RPA3: variants seen among roughly 807,000 people sequenced by gnomAD.
RPA3 encodes the protein replication protein A3.
Under a neutral mutation model 13.7 loss-of-function variants are expected in RPA3, and 24 were observed. The ratio of observed to expected loss-of-function variants is 1.75; its 90% CI spans 1.27 to 2.46. The LOEUF is 2.46. Ranked by LOEUF, RPA3 falls within the 30% of genes most tolerant of loss-of-function variation. The probability of loss-of-function intolerance (pLI) is 0.00; values close to 1 mark genes in which losing one functional copy is unlikely to be tolerated. For missense variants in RPA3, 183 were observed against 151.0 expected, an observed-to-expected ratio of 1.21 and a Z score of -1.11; for synonymous variants, 59 against 51.2, an observed-to-expected ratio of 1.15 and a Z score of -0.65.
intron 4 of RPA3, among the ~76,000 whole-genome samples, chr7:7,677,884 G>GTTTT (rs1779788320): frequency 6.6e-6 from 1 of 150,982 alleles, no homozygotes; most frequent in Non-Finnish European, 1.5e-5. Flanking sequence ...CGTTTTAGCC[G>GTTTT]GGATGGTCTC....
rs185853551 is a variant in RPA3, at chr7:7,700,630, G to A, written c.-1027-13302C>T. Among the ~76,000 whole-genome samples the A allele has an allele frequency of 2.9e-3, 439 of 152,312 alleles. 2 individuals are homozygous for A. The highest frequency in any genetic ancestry group is 9.7e-3 in the African/African-American group (404 of 41,560). ...GGGCCGGGCGCGGTGGCTCACGCCT[G>A]TAATCCTAGTACTTTGGGAGGCCTA... On this transcript the variant is annotated intron_variant, in intron 2 of 7. Transcript: ENST00000223129.
intron 4 of RPA3, among the ~76,000 whole-genome samples, chr7:7,677,591 C>CT (rs1310036428): frequency 1.4e-5 from 2 of 147,944 alleles, no homozygotes; most frequent in African/African-American, 5.1e-5. Context: ...GGATTTCATT[C>CT]TTTTTTTATG....
intron 4 of RPA3, among the ~76,000 whole-genome samples, chr7:7,652,570 C>G (rs927442635): frequency 6.6e-6 from 1 of 152,092 alleles, no homozygotes. Context: ...TTGCTTTGTG[C>G]CCATTGACAT....
rs1053991002 is a variant in RPA3 at position 7,673,357 on chromosome 7, G to A, written c.-758+12473C>T. ...AGCAGCAGCAGCAGCAGCAGCAGCA[G>A]CAGCAGCAGCAGCAATGTTTCACTT... On this transcript the variant is annotated intron_variant, in intron 4 of 7. Transcript: ENST00000223129. The A allele has an allele frequency of 7.1e-6, 9 of 1,272,740 alleles. 3 individuals are homozygous for A. Among genetic ancestry groups the A allele is most frequent in the Non-Finnish European group, 9.9e-6 (9 of 907,130 alleles). The allele number at this position is 1,272,740 out of a possible 1,614,324, so 78.8% of individuals were successfully genotyped here.
chr7:7,703,989 G>A (rs960521986), intron 2 of RPA3, among the ~76,000 whole-genome samples: 8 of 151,964 alleles, frequency 5.3e-5, no homozygotes, highest in African/African-American at 7.3e-5. Context: ...GGGAAGGAAG[G>A]AAAGAAAAGA....
At chr7:7,692,936 A>G (rs1028529567) in intron 2 of RPA3, among the ~76,000 whole-genome samples, 4 of 152,186 alleles carry the variant, frequency 2.6e-5, no homozygotes, top group Admixed American at 6.5e-5. Flanking sequence ...GGTATATTTC[A>G]TGTGAACCTT....
At position 7,699,894 on chromosome 7, in the gene RPA3, G is replaced by A. The variant is rs566755977; in HGVS notation, c.-1027-12566C>T. Reference sequence around the variant, plus strand: ...ATACTGTTTATATAAGTGGAAATACGTGTTTTGTTTATTCATAGATTATAG... The same window carrying A: ...ATACTGTTTATATAAGTGGAAATACATGTTTTGTTTATTCATAGATTATAG... On this transcript the variant is annotated intron_variant, in intron 2 of 7. Transcript: ENST00000223129. Among the ~76,000 whole-genome samples the A allele has an allele frequency of 3.7e-4, 56 of 152,284 alleles. No homozygotes were observed. In the South Asian group the frequency reaches 0.011, roughly 30 times the overall value.
intron 7 of RPA3, among the ~76,000 whole-genome samples, 154 bp downstream of exon 7, chr7:7,637,708 GTA>G (rs1325202982): frequency 6.6e-6 from 1 of 150,606 alleles, no homozygotes; most frequent in South Asian, 2.1e-4. Context: ...ATATAAAACT[GTA>G]TGTTATGTAA....
intron 4 of RPA3, among the ~76,000 whole-genome samples, chr7:7,652,567 G>GTGCC (rs1243975435): frequency 6.6e-6 from 1 of 152,188 alleles, no homozygotes; most frequent in Non-Finnish European, 1.5e-5. Context: ...ACCTTGCTTT[G>GTGCC]TGCCCATTGA....
intron 4 of RPA3, among the ~76,000 whole-genome samples, chr7:7,651,799 G>A: frequency 6.6e-6 from 1 of 152,194 alleles, no homozygotes; most frequent in East Asian, 1.9e-4. Context: ...TAAAAGGTCT[G>A]TGAGTGAGTT....
chr7:7,646,840 C>T (rs1412882879), intron 4 of RPA3, among the ~76,000 whole-genome samples: 1 of 152,112 alleles, frequency 6.6e-6, no homozygotes, highest in East Asian at 1.9e-4. Flanking sequence ...CACTCTTCTG[C>T]TCATGGAGCC....
chr7:7,638,684 G>T (rs1487545841), intron 6 of RPA3: 1 of 158,670 alleles, frequency 6.3e-6, no homozygotes, highest in Non-Finnish European at 1.4e-5. Context: ...CGCCATGATG[G>T]TGCCACTGCA....
At chr7:7,712,167 T>C (rs914122734) in intron 2 of RPA3, among the ~76,000 whole-genome samples, 5 of 152,176 alleles carry the variant, frequency 3.3e-5, no homozygotes, top group African/African-American at 1.2e-4. Flanking sequence ...TGTTCTCTGC[T>C]TTTCTATATA....
Position 7,715,346 on chromosome 7 carries a change from A to C in RPA3, c.-1079-120T>G, listed in dbSNP as rs151091705. On this transcript the variant is annotated intron_variant, in intron 1 of 7. Coordinates refer to ENST00000223129, the MANE Select transcript of RPA3 (RefSeq NM_002947.5). Reference sequence around the variant, plus strand: ...AGCAGAAGAGTTGACCATAGACCTTATAGCTAGCTGTTAGAATAGCTAATT... The same window carrying C: ...AGCAGAAGAGTTGACCATAGACCTTCTAGCTAGCTGTTAGAATAGCTAATT... The C allele has an allele frequency of 2.0e-5, 3 of 152,330 alleles. No individual in the cohort carries two copies. In the East Asian group the frequency reaches 5.8e-4, roughly 29 times the overall value. 9.4% of individuals were successfully genotyped at this position (152,330 alleles called of 1,614,324 possible).
At chr7:7,665,830 T>A (rs573552955) in intron 4 of RPA3, among the ~76,000 whole-genome samples, 1 of 152,292 alleles carries the variant, frequency 6.6e-6, no homozygotes, top group East Asian at 1.9e-4. Context: ...TCAGCTTTTT[T>A]TTTTTTTGAG....
At chr7:7,638,357 A>AAAAGTTTT (rs1198179510) in intron 6 of RPA3, 4 of 154,118 alleles carry the variant, frequency 2.6e-5, no homozygotes, top group Middle Eastern at 3.4e-3. Context: ...AAATACCAAA[A>AAAAGTTTT]AAAGTTTTAA....
intron 4 of RPA3, among the ~76,000 whole-genome samples, 175 bp from the exon 5 acceptor site, chr7:7,641,350 C>G (rs149348069): frequency 3.3e-5 from 5 of 152,272 alleles, no homozygotes; most frequent in Non-Finnish European, 7.4e-5. Flanking sequence ...GGGAGACAAG[C>G]TTAAATCGTT....
In RPA3 at chr7:7,642,315, T is replaced by G. The variant is rs78977840; in HGVS notation, c.-757-1140A>C. On this transcript the variant is annotated intron_variant, in intron 4 of 7. Coordinates refer to ENST00000223129, the MANE Select transcript of RPA3 (RefSeq NM_002947.5). ...ACACCCAGCTAATAAAGATTTTTTT[T>G]TTGTTGTTTGTTTTTTTTTGTTCAG... 3.6e-3 allele frequency among the ~76,000 whole-genome samples: 548 copies of G among 151,788 alleles called. 2 individuals are homozygous for G. Among genetic ancestry groups the G allele is most frequent in the Non-Finnish European group, 5.4e-3 (366 of 67,906 alleles).
At chr7:7,676,191 A>G in intron 4 of RPA3, 1 of 398,462 alleles carries the variant, frequency 2.5e-6, no homozygotes, top group East Asian at 3.6e-5. Context: ...TCCACGACTT[A>G]CTCTCTACCC....
Sources: gnomAD v4.1 joint callset for allele counts (sites outside exome capture counted in the v4.1 genomes callset) on GRCh38, gnomAD v4.1.1 for gene constraint, MANE v1.5 for transcripts, NCBI Gene and HGNC (gene_info 2026-07-23, HGNC 2026-07-21) for gene names.